Variants in PRMT3 observed in about 807,000 individuals in gnomAD.
PRMT3 encodes protein arginine methyltransferase 3, also known as protein arginine N-methyltransferase 3.
Under a neutral mutation model 71.9 loss-of-function variants are expected in PRMT3, and 62 were observed. The observed-to-expected ratio is 0.86, with a 90% CI of 0.70 to 1.07. The LOEUF (loss-of-function observed/expected upper bound fraction) is 1.07, where lower values mean the gene tolerates loss of function less well. Ranked by LOEUF, PRMT3 falls within the 50% of genes least tolerant of loss-of-function variation. The probability of loss-of-function intolerance (pLI) is 0.00; values close to 1 mark genes in which losing one functional copy is unlikely to be tolerated. For missense variants in PRMT3, 663 were observed against 643.0 expected (o/e 1.03, Z -0.34); for synonymous variants, 213 against 220.4 (o/e 0.97, Z 0.30).
intron 10 of PRMT3, among the ~76,000 whole-genome samples, chr11:20,434,289 G>A (rs1274196461): frequency 6.6e-6 from 1 of 152,180 alleles, no homozygotes; most frequent in African/African-American, 2.4e-5. Flanking sequence ...TTTGTCAGAT[G>A]CATAGTTTGC....
chr11:20,497,696 AGG>A (rs1851364914), intron 15 of PRMT3, among the ~76,000 whole-genome samples: 1 of 152,226 alleles, frequency 6.6e-6, no homozygotes, highest in Non-Finnish European at 1.5e-5. Flanking sequence ...GTGTATATGT[AGG>A]ATTAAATGCA....
intron 9 of PRMT3, among the ~76,000 whole-genome samples, chr11:20,410,914 A>G (rs995707579): frequency 6.6e-6 from 1 of 152,128 alleles, no homozygotes; most frequent in African/African-American, 2.4e-5. Context: ...ATGTACTCAA[A>G]TACAATAAAT....
In PRMT3 at chr11:20,455,596, C is replaced by T. The variant is rs1207289904; in HGVS notation, c.1072+3388C>T. 2.6e-5 allele frequency among the ~76,000 whole-genome samples: 4 copies of T among 151,846 alleles called. No homozygotes were observed. In the East Asian group the frequency reaches 7.7e-4, roughly 29 times the overall value. On this transcript the variant is annotated intron_variant, in intron 11 of 15. Transcript: ENST00000331079. Reference sequence around the variant, plus strand: ...CTGAAGTAGCAATTCCCACCTTCTTCGGGTCAAATGAATTATGAGATAATT... The same window carrying T: ...CTGAAGTAGCAATTCCCACCTTCTTTGGGTCAAATGAATTATGAGATAATT...
chr11:20,484,218 A>G (rs910496328), intron 13 of PRMT3, among the ~76,000 whole-genome samples: 2 of 152,210 alleles, frequency 1.3e-5, no homozygotes, highest in African/African-American at 4.8e-5. Flanking sequence ...ATTGGGATCT[A>G]CAAGTGAACA....
At chr11:20,393,139 A>G in intron 5 of PRMT3, 140 bp downstream of exon 5, 1 of 639,218 alleles carries the variant, frequency 1.6e-6, no homozygotes, top group Non-Finnish European at 2.7e-6. Flanking sequence ...TTCAGTAGAA[A>G]AGTTAAGTTG....
intron 12 of PRMT3, among the ~76,000 whole-genome samples, chr11:20,463,048 T>G (rs1277026397): frequency 6.6e-6 from 1 of 152,170 alleles, no homozygotes; most frequent in African/African-American, 2.4e-5. Context: ...TGTATTTTAG[T>G]AGAGATGGGG....
At chr11:20,421,451 G>T (rs1299426916) in intron 9 of PRMT3, among the ~76,000 whole-genome samples, 2 of 152,134 alleles carry the variant, frequency 1.3e-5, no homozygotes, top group Admixed American at 1.3e-4. Context: ...TGTGACTCAT[G>T]GGTCAGCTGT....
At chr11:20,417,168 A>T (rs900991814) in intron 9 of PRMT3, among the ~76,000 whole-genome samples, 4 of 150,682 alleles carry the variant, frequency 2.7e-5, no homozygotes, top group Non-Finnish European at 6.0e-5. Flanking sequence ...TCTCTCACTG[A>T]ATTATGAGAT....
rs1371572151 is a variant in PRMT3, at chr11:20,407,909, A to T, written c.772-2A>T. 2 of 1,606,580 alleles carry T rather than the reference A, an allele frequency of 1.2e-6. No homozygotes were observed. On this transcript the variant is annotated splice_acceptor_variant, in intron 8 of 15. Transcript: ENST00000331079. LOFTEE classifies it high-confidence loss of function. Reference sequence around the variant, plus strand: ...GTTTTGGTTTTTTCTTAATTACCCTAGGTAGTTTTGGATGTTGGGTGTGGA... The same window carrying T: ...GTTTTGGTTTTTTCTTAATTACCCTTGGTAGTTTTGGATGTTGGGTGTGGA...
rs567681501 is a variant in PRMT3 at position 20,424,701 on chromosome 11, G to A, written c.894-2065G>A. Reference sequence around the variant, plus strand: ...TTCTTTATCAAAGTTAAAAACTTTAGCTATTCAAAACATACCATTTAAAAA... The same window carrying A: ...TTCTTTATCAAAGTTAAAAACTTTAACTATTCAAAACATACCATTTAAAAA... On this transcript the variant is annotated intron_variant, in intron 9 of 15. Transcript: ENST00000331079. Among the ~76,000 whole-genome samples, 33 of 152,248 alleles carry A rather than the reference G, an allele frequency of 2.2e-4. No homozygotes were observed. The East Asian group carries it at 6.0e-3, about 28-fold the overall frequency.
At chr11:20,496,645 T>A (rs1009139135) in intron 15 of PRMT3, among the ~76,000 whole-genome samples, 22 of 150,342 alleles carry the variant, frequency 1.5e-4, no homozygotes, top group African/African-American at 5.3e-4. Flanking sequence ...GTCAATGTCA[T>A]ATAAAAGACA....
At chr11:20,446,846 T>C (rs1850041705) in intron 10 of PRMT3, among the ~76,000 whole-genome samples, 1 of 152,172 alleles carries the variant, frequency 6.6e-6, no homozygotes, top group Admixed American at 6.5e-5. Flanking sequence ...TTGAGTGATA[T>C]CATCAGCCGC....
intron 13 of PRMT3, among the ~76,000 whole-genome samples, chr11:20,466,152 T>G (rs1850506704): frequency 6.6e-6 from 1 of 152,188 alleles, no homozygotes; most frequent in Non-Finnish European, 1.5e-5. Context: ...AGTTTATTGG[T>G]CAGGGTTCTT....
chr11:20,401,305 G>A (rs1383134114), intron 7 of PRMT3, among the ~76,000 whole-genome samples: 1 of 152,008 alleles, frequency 6.6e-6, no homozygotes, highest in Admixed American at 6.5e-5. Context: ...TATCAGAAGA[G>A]TGTAAAATTT....
chr11:20,456,599 T>C (rs1850271990), intron 11 of PRMT3, among the ~76,000 whole-genome samples: 1 of 152,212 alleles, frequency 6.6e-6, no homozygotes, highest in Non-Finnish European at 1.5e-5. Context: ...ACTGTAACTT[T>C]ATACTGAGTC....
chr11:20,503,136 TCTTG>T (rs1851498085), intron 15 of PRMT3, among the ~76,000 whole-genome samples: 1 of 152,194 alleles, frequency 6.6e-6, no homozygotes, highest in Non-Finnish European at 1.5e-5. Context: ...CTTTAAACTA[TCTTG>T]CTTTATAGAA....
At chr11:20,501,299 G>A (rs910581322) in intron 15 of PRMT3, among the ~76,000 whole-genome samples, 1 of 151,976 alleles carries the variant, frequency 6.6e-6, no homozygotes, top group East Asian at 1.9e-4. Context: ...ATGTGATGTA[G>A]TATTTGACAT....
rs535171619 is a variant in PRMT3, at chr11:20,404,357, T to C, written c.771+1373T>C. Among the ~76,000 whole-genome samples, 3 of 150,424 alleles carry C rather than the reference T, an allele frequency of 2.0e-5. No homozygotes were observed. In the South Asian group the frequency reaches 6.5e-4, roughly 32 times the overall value. On this transcript the variant is annotated intron_variant, in intron 8 of 15. Transcript: ENST00000331079. ...CAAGCGATTCTCCTGCGTCAGCCTC[T>C]GGAGTAGCTGGGACTACAGGCACGT...
chr11:20,413,919 C>T (rs1315641846), intron 9 of PRMT3, among the ~76,000 whole-genome samples: 1 of 152,062 alleles, frequency 6.6e-6, no homozygotes, highest in East Asian at 1.9e-4. Flanking sequence ...TTTTCTCGGT[C>T]AGAAGTCTAT....
Sources: gnomAD v4.1 joint callset for allele counts (sites outside exome capture counted in the v4.1 genomes callset) on GRCh38, gnomAD v4.1.1 for gene constraint, MANE v1.5 for transcripts, NCBI Gene and HGNC (gene_info 2026-07-23, HGNC 2026-07-21) for gene names.